ZC3H12B: variants seen among roughly 807,000 people sequenced by gnomAD.
The protein encoded by ZC3H12B is probable ribonuclease ZC3H12B.
Under a neutral mutation model 43.9 loss-of-function variants are expected in ZC3H12B, and 7 were observed. The ratio of observed to expected loss-of-function variants is 0.16; its 90% CI spans 0.09 to 0.30. The LOEUF is 0.30. ZC3H12B is among the 10% of genes least tolerant of loss of function. The probability of loss-of-function intolerance (pLI) is 1.00; values close to 1 mark genes in which losing one functional copy is unlikely to be tolerated. For missense variants in ZC3H12B, 475 were observed against 670.2 expected, an observed-to-expected ratio of 0.71 and a Z score of 3.22; for synonymous variants, 222 against 241.7, an observed-to-expected ratio of 0.92 and a Z score of 0.76.
the ZC3H12B span, among the ~76,000 whole-genome samples, chrX:65,153,529 G>T: frequency 7.2e-3 from 811 of 112,242 alleles, 6 homozygotes; most frequent in Non-Finnish European, 0.012. Context: ...ACCACAATGA[G>T]ATACCATCTC....
chrX:65,482,470 C>T (rs1033957989), intron 3 of ZC3H12B, among the ~76,000 whole-genome samples: 1 of 111,967 alleles, frequency 8.9e-6, no homozygotes, highest in South Asian at 3.7e-4. Flanking sequence ...TAGCAGAGAC[C>T]GTCTCCTGTA....
intron 3 of ZC3H12B, among the ~76,000 whole-genome samples, chrX:65,459,292 G>T (rs779959879): frequency 6.3e-5 from 7 of 111,897 alleles, no homozygotes; most frequent in Non-Finnish European, 1.9e-5. Flanking sequence ...GGAGGAGATG[G>T]TACCATTCCT....
the ZC3H12B span, among the ~76,000 whole-genome samples, chrX:65,298,024 T>A: frequency 1.8e-5 from 2 of 112,248 alleles, no homozygotes; most frequent in Non-Finnish European, 3.8e-5. Context: ...TTTAATCTTC[T>A]AAGACTGGGA....
At chrX:65,248,048 A>G in the ZC3H12B span, among the ~76,000 whole-genome samples, 1 of 100,960 alleles carries the variant, frequency 9.9e-6, no homozygotes, top group Non-Finnish European at 1.9e-5. Context: ...GCCACGAAAA[A>G]AATTTTTTTT....
the ZC3H12B span, among the ~76,000 whole-genome samples, chrX:65,230,357 G>T: frequency 1.8e-5 from 2 of 108,629 alleles, no homozygotes; most frequent in Non-Finnish European, 3.8e-5. Context: ...ACGCAGGAAG[G>T]GGAACATCAC....
the ZC3H12B span, among the ~76,000 whole-genome samples, chrX:65,066,219 G>A: frequency 6.9e-4 from 76 of 110,682 alleles, 1 homozygote; most frequent in African/African-American, 2.1e-3. Context: ...AGGAGAAGAG[G>A]CATTCTGGTT....
the ZC3H12B span, among the ~76,000 whole-genome samples, chrX:65,244,028 T>C: frequency 1.8e-4 from 20 of 111,384 alleles, no homozygotes; most frequent in African/African-American, 6.2e-4. Flanking sequence ...AAAATATAGT[T>C]AGAGGGTAAA....
At chrX:65,122,930 A>G in the ZC3H12B span, among the ~76,000 whole-genome samples, 3 of 111,779 alleles carry the variant, frequency 2.7e-5, no homozygotes, top group Non-Finnish European at 1.9e-5. Flanking sequence ...CCACACAATA[A>G]TAATGGGAGA....
chrX:65,267,938 A>G, the ZC3H12B span, among the ~76,000 whole-genome samples: 765 of 111,736 alleles, frequency 6.8e-3, 9 homozygotes, highest in African/African-American at 0.024. Flanking sequence ...AGAGCAAAAA[A>G]TCATGTAGCA....
the ZC3H12B span, among the ~76,000 whole-genome samples, chrX:65,308,786 G>C: frequency 4.5e-5 from 5 of 111,760 alleles, no homozygotes; most frequent in Admixed American, 4.8e-4. Context: ...GCAACAAACT[G>C]TCTCTCAGAC....
intron 3 of ZC3H12B, among the ~76,000 whole-genome samples, chrX:65,423,182 C>T (rs905434332): frequency 2.3e-4 from 26 of 110,819 alleles, no homozygotes; most frequent in Admixed American, 1.1e-3. Context: ...CCGCATGCCT[C>T]GGCCTCCCAA....
the ZC3H12B span, among the ~76,000 whole-genome samples, chrX:65,324,428 T>C: frequency 5.4e-5 from 6 of 111,660 alleles, no homozygotes; most frequent in Non-Finnish European, 7.5e-5. Flanking sequence ...TCTTTTTTCA[T>C]GTGAGCATTT....
chrX:65,213,455 T>C, the ZC3H12B span, among the ~76,000 whole-genome samples: 2 of 111,180 alleles, frequency 1.8e-5, no homozygotes, highest in Non-Finnish European at 3.8e-5. Context: ...TTATCTAAAA[T>C]GCTTGGGACA....
the ZC3H12B span, among the ~76,000 whole-genome samples, chrX:65,348,235 A>C: frequency 0.018 from 2,056 of 112,270 alleles, 36 homozygotes; most frequent in Middle Eastern, 0.037. Flanking sequence ...TATAATTAAA[A>C]AATAATCAAA....
At chrX:65,373,932 AG>A (rs2066290403) in intron 2 of ZC3H12B, among the ~76,000 whole-genome samples, 1 of 49,735 alleles carries the variant, frequency 2.0e-5, no homozygotes, top group Admixed American at 2.9e-4. Flanking sequence ...CTATATATAT[AG>A]TATATATATA....
chrX:65,448,781 G>A (rs868230931), intron 3 of ZC3H12B, among the ~76,000 whole-genome samples: 7 of 105,668 alleles, frequency 6.6e-5, no homozygotes, highest in Non-Finnish European at 1.4e-4. Flanking sequence ...TCACACCACT[G>A]CACTCCAGCC....
chrX:65,478,829 A>T (rs1463142632), intron 3 of ZC3H12B, among the ~76,000 whole-genome samples: 1 of 112,337 alleles, frequency 8.9e-6, no homozygotes, highest in Non-Finnish European at 1.9e-5. Flanking sequence ...ACCTTACACA[A>T]GTATGTGTCC....
At chrX:65,369,739 A>G (rs1054788599) in intron 2 of ZC3H12B, among the ~76,000 whole-genome samples, 5 of 111,898 alleles carry the variant, frequency 4.5e-5, no homozygotes, top group African/African-American at 1.3e-4. Context: ...TTATTAATAC[A>G]TAAGTGAGAA....
At chrX:65,107,679 GAGTT>G in the ZC3H12B span, among the ~76,000 whole-genome samples, 1 of 110,982 alleles carries the variant, frequency 9.0e-6, no homozygotes, top group African/African-American at 3.3e-5. Context: ...GATATTGAGT[GAGTT>G]CTCACGAGAT....
Sources: allele counts gnomAD v4.1 joint callset (sites outside exome capture counted in the v4.1 genomes callset), GRCh38; gene constraint gnomAD v4.1.1; transcripts MANE v1.5; gene names NCBI Gene and HGNC (gene_info 2026-07-23, HGNC 2026-07-21).